Variants in SHISA9 observed in about 807,000 individuals in gnomAD.
SHISA9 encodes the protein protein shisa-9.
Under a neutral mutation model 38.0 loss-of-function variants are expected in SHISA9, and 13 were observed. The ratio of observed to expected loss-of-function variants is 0.34; its 90% confidence interval spans 0.22 to 0.54. The LOEUF is 0.54. SHISA9 is among the 20% of genes least tolerant of loss of function. SHISA9 has a pLI of 0.91. For synonymous variants in SHISA9, 275 were observed against 242.0 expected (o/e 1.14, Z -1.27); for missense variants, 538 against 575.8 (o/e 0.93, Z 0.67).
chr16:12,989,947 C>G (rs1388452765), intron 2 of SHISA9, among the ~76,000 whole-genome samples: 1 of 152,128 alleles, frequency 6.6e-6, no homozygotes, highest in African/African-American at 2.4e-5. Flanking sequence ...CCCCTCCTGA[C>G]AGACCCTGGT....
At chr16:13,527,576 A>G in the SHISA9 span, among the ~76,000 whole-genome samples, 11 of 152,210 alleles carry the variant, frequency 7.2e-5, no homozygotes, top group Admixed American at 2.6e-4. Flanking sequence ...TTGTATGTGT[A>G]GGTAGTAAAG....
chr16:13,233,749 C>G (rs532465730), intron 4 of SHISA9, among the ~76,000 whole-genome samples: 6 of 152,360 alleles, frequency 3.9e-5, no homozygotes, highest in African/African-American at 1.4e-4. Flanking sequence ...GTAGCTCACA[C>G]CTGTAATCCC....
At chr16:13,256,695 CAAT>C in the SHISA9 span, among the ~76,000 whole-genome samples, 1 of 152,122 alleles carries the variant, frequency 6.6e-6, no homozygotes, top group South Asian at 2.1e-4. Context: ...TAAAGTCAGG[CAAT>C]TGATAACTCA....
At chr16:13,019,828 CTTTCTT>C (rs2072808905) in intron 2 of SHISA9, among the ~76,000 whole-genome samples, 1 of 88,308 alleles carries the variant, frequency 1.1e-5, no homozygotes, top group Non-Finnish European at 2.3e-5. Flanking sequence ...TTCTTTCTTT[CTTTCTT>C]TTTCCTTCCT....
intron 2 of SHISA9, among the ~76,000 whole-genome samples, chr16:13,115,606 A>G (rs1183781757): frequency 6.6e-6 from 1 of 152,216 alleles, no homozygotes; most frequent in Non-Finnish European, 1.5e-5. Context: ...GACATGTTAC[A>G]GTGCTGCAGA....
At chr16:12,976,689 T>C (rs552412002) in intron 2 of SHISA9, among the ~76,000 whole-genome samples, 1 of 151,104 alleles carries the variant, frequency 6.6e-6, no homozygotes, top group African/African-American at 2.4e-5. Context: ...GAGTGTGCCT[T>C]GCAGGGGGTA....
At chr16:13,103,905 G>T (rs1032761127) in intron 2 of SHISA9, among the ~76,000 whole-genome samples, 5 of 152,128 alleles carry the variant, frequency 3.3e-5, no homozygotes, top group African/African-American at 1.2e-4. Flanking sequence ...TTGGAAAGAA[G>T]TCATCTCTCC....
At chr16:13,083,759 GGTAGCTCCCATTCA>G (rs1213439413) in intron 2 of SHISA9, among the ~76,000 whole-genome samples, 1 of 152,142 alleles carries the variant, frequency 6.6e-6, no homozygotes, top group Non-Finnish European at 1.5e-5. Flanking sequence ...TTATTGGCAA[GGTAGCTCCCATTCA>G]GCTAGAGCCA....
intron 1 of SHISA9, among the ~76,000 whole-genome samples, chr16:12,913,054 G>T (rs2071207235): frequency 6.8e-6 from 1 of 147,828 alleles, no homozygotes; most frequent in Non-Finnish European, 1.5e-5. Flanking sequence ...CTTTCTATTT[G>T]TAACTTAAAA....
intron 2 of SHISA9, among the ~76,000 whole-genome samples, chr16:12,980,600 C>A (rs903870715): frequency 1.7e-4 from 26 of 151,030 alleles, no homozygotes; most frequent in Admixed American, 5.3e-4. Flanking sequence ...TCTTTTGGAA[C>A]TTTTTTAAAA....
chr16:13,029,151 A>G (rs1316152778), intron 2 of SHISA9, among the ~76,000 whole-genome samples: 2 of 152,204 alleles, frequency 1.3e-5, no homozygotes, highest in African/African-American at 4.8e-5. Flanking sequence ...TATACCCCAA[A>G]GAAAGGAAAT....
the SHISA9 span, among the ~76,000 whole-genome samples, chr16:13,376,162 C>A: frequency 2.0e-5 from 3 of 152,168 alleles, no homozygotes; most frequent in African/African-American, 7.2e-5. Context: ...TGTTCCACAT[C>A]ATTTTGGTTC....
At chr16:12,978,892 A>T (rs557723019) in intron 2 of SHISA9, among the ~76,000 whole-genome samples, 1 of 152,226 alleles carries the variant, frequency 6.6e-6, no homozygotes, top group African/African-American at 2.4e-5. Flanking sequence ...GTTAGTATGT[A>T]TGTGTTCACC....
chr16:13,182,895 T>G (rs2050790046), intron 2 of SHISA9, among the ~76,000 whole-genome samples: 2 of 152,210 alleles, frequency 1.3e-5, no homozygotes, highest in Non-Finnish European at 2.9e-5. Flanking sequence ...TCAGGGTCTG[T>G]CACACAGTTG....
chr16:13,025,040 T>C (rs1567186235), intron 2 of SHISA9, among the ~76,000 whole-genome samples: 1 of 152,314 alleles, frequency 6.6e-6, no homozygotes, highest in East Asian at 1.9e-4. Context: ...AGGGTTCTTA[T>C]AGAACAGCAT....
At chr16:13,192,674 G>C (rs1251148142) in intron 2 of SHISA9, among the ~76,000 whole-genome samples, 1 of 152,128 alleles carries the variant, frequency 6.6e-6, no homozygotes. Context: ...AGGAGATCGA[G>C]ACCATCCTGA....
At chr16:13,217,053 C>G (rs532680398) in intron 4 of SHISA9, among the ~76,000 whole-genome samples, 209 of 151,642 alleles carry the variant, frequency 1.4e-3, no homozygotes, top group African/African-American at 4.9e-3. Context: ...GGGCGGATAA[C>G]GAGGTCAGAG....
At chr16:13,228,009 C>G (rs952986561) in intron 4 of SHISA9, among the ~76,000 whole-genome samples, 1 of 152,208 alleles carries the variant, frequency 6.6e-6, no homozygotes, top group African/African-American at 2.4e-5. Context: ...TGAGCATTTA[C>G]TACATTCCAG....
At chr16:13,328,043 G>A in the SHISA9 span, among the ~76,000 whole-genome samples, 1 of 152,138 alleles carries the variant, frequency 6.6e-6, no homozygotes, top group East Asian at 1.9e-4. Flanking sequence ...CTTTGCGCAA[G>A]AAATCTGTTT....
Sources: gnomAD v4.1 joint callset for allele counts (sites outside exome capture counted in the v4.1 genomes callset) on GRCh38, gnomAD v4.1.1 for gene constraint, MANE v1.5 for transcripts, NCBI Gene and HGNC (gene_info 2026-07-23, HGNC 2026-07-21) for gene names.